The following MAP9 variants were observed in gnomAD, a reference collection of about 807,000 sequenced individuals.
MAP9 encodes microtubule associated protein 9.
In MAP9, 80 loss-of-function variants were observed where a neutral mutation model predicts 75.2. That is an observed-to-expected ratio of 1.06 (90% CI 0.89 to 1.28). The LOEUF is 1.28. Ranked by LOEUF, MAP9 falls within the 50% of genes most tolerant of loss-of-function variation. The probability of loss-of-function intolerance (pLI) is 0.00; values close to 1 mark genes in which losing one functional copy is unlikely to be tolerated. For synonymous variants in MAP9, 235 were observed against 237.3 expected, an observed-to-expected ratio of 0.99 and a Z score of 0.09; for missense variants, 753 against 719.9, an observed-to-expected ratio of 1.05 and a Z score of -0.53.
chr4:155,370,678 A>G (rs1469102143), intron 4 of MAP9, among the ~76,000 whole-genome samples: 1 of 152,104 alleles, frequency 6.6e-6, no homozygotes, highest in African/African-American at 2.4e-5. Flanking sequence ...AAGAACAAAC[A>G]TGAGATCTAC....
intron 1 of MAP9, 21 bp from the exon 2 acceptor site, chr4:155,375,935 C>T (rs976706463): frequency 2.3e-6 from 2 of 866,838 alleles, no homozygotes; most frequent in African/African-American, 3.4e-5. Context: ...CAAAACAAAT[C>T]AGACTTCGCA....
At position 155,343,103 on chromosome 4, in the gene MAP9, T is replaced by C. The variant is rs1031898324; in HGVS notation, c.*4680A>G. The C allele has an allele frequency of 2.6e-5, 4 of 151,934 alleles. No homozygotes were observed. Among genetic ancestry groups the C allele is most frequent in the Admixed American group, 2.0e-4 (3 of 15,246 alleles). The allele number at this position is 151,934 out of a possible 1,614,324, so 9.4% of individuals were successfully genotyped here. A position where few individuals can be genotyped will look rare whatever the true frequency, so the allele number is the denominator to read the frequency against. ...TATCACTGAGTGAAAAAAATCTGGC[T>C]ACCAAATATGTAGTCTGACTCATTC... On this transcript the variant is annotated 3_prime_UTR_variant, in exon 14 of 14. Transcript: ENST00000311277.
Position 155,360,245 on chromosome 4 carries a change from C to T in MAP9, c.973G>A (p.Asp325Asn), listed in dbSNP as rs373132442. The change falls in exon 7 of 14, where the codon GAT (aspartate) becomes AAT (asparagine). Residue 325 changes from aspartate to asparagine, a missense_variant. Coordinates refer to ENST00000311277, the MANE Select transcript of MAP9 (RefSeq NM_001039580.2). ...AGTAGTGGATCAACTGTTCTGTCAT[C>T]ATCCATAATCAGTTCCGCTTTTGCC... ...EKAKAELIMD[D>N]DRTVDPLLSK... 32 of 1,612,946 alleles carry T rather than the reference C, an allele frequency of 2.0e-5. No individual in the cohort carries two copies. Among genetic ancestry groups the T allele is most frequent in the Non-Finnish European group, 2.6e-5 (31 of 1,179,256 alleles).
intron 13 of MAP9, among the ~76,000 whole-genome samples, chr4:155,351,968 G>A (rs906899277): frequency 1.3e-5 from 2 of 151,902 alleles, no homozygotes; most frequent in East Asian, 1.9e-4. Flanking sequence ...TGGACAAAAT[G>A]CATATTTATA....
chr4:155,359,845 CCAGA>C (rs1257903297), intron 7 of MAP9, among the ~76,000 whole-genome samples: 3 of 151,886 alleles, frequency 2.0e-5, no homozygotes, highest in African/African-American at 7.2e-5. Context: ...AGAAATTATT[CCAGA>C]CAGTTATATT....
chr4:155,344,759 C>A lies in MAP9; in HGVS notation c.*3024G>T, dbSNP rs969199842. 2.6e-5 allele frequency: 4 copies of A among 151,858 alleles called. No homozygotes were observed. The highest frequency in any genetic ancestry group is 9.7e-5 in the African/African-American group (4 of 41,398). The allele number at this position is 151,858 out of a possible 1,614,324, so 9.4% of individuals were successfully genotyped here. On this transcript the variant is annotated 3_prime_UTR_variant, in exon 14 of 14. Transcript: ENST00000311277. ...GCATCTTTTAAGTTAAATAGCATTA[C>A]CACTTTCTTCATTATTATGAAATTT... is the stretch of plus-strand genomic sequence containing the variant.
intron 5 of MAP9, 188 bp downstream of exon 5, chr4:155,368,398 A>G (rs952181903): frequency 1.6e-6 from 1 of 623,604 alleles, no homozygotes; most frequent in South Asian, 2.0e-5. Context: ...ACGTCTTACA[A>G]TTGATGCAGT....
chr4:155,352,458 G>A (rs1731554607), intron 13 of MAP9, 138 bp downstream of exon 13: 3 of 790,830 alleles, frequency 3.8e-6, no homozygotes, highest in Non-Finnish European at 6.1e-6. Context: ...ATATGCAGGA[G>A]GAGAGCTTGA....
intron 5 of MAP9, among the ~76,000 whole-genome samples, chr4:155,363,875 G>C (rs1441900120): frequency 6.6e-6 from 1 of 152,050 alleles, no homozygotes; most frequent in East Asian, 1.9e-4. Context: ...GTGAGATATA[G>C]CACAAATTTC....
At position 155,346,027 on chromosome 4, in the gene MAP9, GT is replaced by G. The variant is rs1731274448; in HGVS notation, c.*1755del. On this transcript the variant is annotated 3_prime_UTR_variant, in exon 14 of 14. Transcript: ENST00000311277. ...CAGATCAATTTCATAAAGTATTACA[GT>G]TCTGGCCATATAGAAAGGGTTCTAG... The G allele has an allele frequency of 6.6e-6, 1 of 152,126 alleles. No individual in the cohort carries two copies. Among genetic ancestry groups the G allele is most frequent in the Non-Finnish European group, 1.5e-5 (1 of 68,020 alleles). The allele number at this position is 152,126 out of a possible 1,614,324, so 9.4% of individuals were successfully genotyped here.
chr4:155,347,900 AT>A lies in MAP9; in HGVS notation c.1826del (p.Asn609IlefsTer67). The A allele has an allele frequency of 6.6e-7, 1 of 1,504,642 alleles. No homozygotes were observed. The highest frequency in any genetic ancestry group is 9.1e-7 in the Non-Finnish European group (1 of 1,096,966). The allele number at this position is 1,504,642 out of a possible 1,614,324, so 93.2% of individuals were successfully genotyped here. On this transcript the variant is annotated frameshift_variant, in exon 14 of 14. Coordinates refer to ENST00000311277, the MANE Select transcript of MAP9 (RefSeq NM_001039580.2). LOFTEE classifies it high-confidence loss of function. ...AINEYEKWLE[N>X]KEKQERIERK... is the part of the protein sequence containing the mutation. Reference sequence around the variant, plus strand: ...GTTCAATTCTTTCTTGTTTTTCCTTATTTTCCTAAAGAGAAAATAGAACACT... The same window carrying A: ...GTTCAATTCTTTCTTGTTTTTCCTTATTTCCTAAAGAGAAAATAGAACACT...
chr4:155,355,041 A>G (rs1430255889), intron 10 of MAP9, 30 bp downstream of exon 10: 4 of 1,075,400 alleles, frequency 3.7e-6, no homozygotes, highest in Non-Finnish European at 5.3e-6. Context: ...TAAAAATCCA[A>G]AACATTTTTA....
chr4:155,362,884 G>T (rs1732153396), intron 5 of MAP9: 1 of 152,170 alleles, frequency 6.6e-6, no homozygotes, highest in Non-Finnish European at 1.5e-5. Flanking sequence ...GAAAATGGAA[G>T]AAGTGCTGAG....
rs1037805486 is a variant in MAP9 at position 155,346,316 on chromosome 4, C to T, written c.*1467G>A. ...TTATAGATTTAATGACCTCCACCAT[C>T]TCTAAGAACAAGCAGCTATTTCTGT... On this transcript the variant is annotated 3_prime_UTR_variant, in exon 14 of 14. Coordinates refer to ENST00000311277, the MANE Select transcript of MAP9 (RefSeq NM_001039580.2). 3.3e-5 allele frequency: 5 copies of T among 152,168 alleles called. No individual in the cohort carries two copies. The South Asian group carries it at 8.3e-4, about 25-fold the overall frequency. The allele number at this position is 152,168 out of a possible 1,614,324, so 9.4% of individuals were successfully genotyped here.
intron 5 of MAP9, chr4:155,368,336 T>C (rs1732421005): frequency 8.4e-6 from 5 of 595,430 alleles, no homozygotes; most frequent in Admixed American, 3.0e-5. Context: ...TGGTGTGTTA[T>C]AGTTTAATTG....
At chr4:155,358,415 A>G (rs2111223790) in intron 7 of MAP9, among the ~76,000 whole-genome samples, 1 of 152,336 alleles carries the variant, frequency 6.6e-6, no homozygotes, top group African/African-American at 2.4e-5. Flanking sequence ...TATACCTGGA[A>G]CATGGCTTAA....
chr4:155,350,233 A>G (rs1473882639), intron 13 of MAP9: 1 of 435,556 alleles, frequency 2.3e-6, no homozygotes, highest in African/African-American at 3.1e-5. Flanking sequence ...CAATTTTTCT[A>G]TTCTATCTGC....
At chr4:155,374,169 T>C (rs1258424908) in intron 3 of MAP9, among the ~76,000 whole-genome samples, 1 of 151,996 alleles carries the variant, frequency 6.6e-6, no homozygotes, top group Non-Finnish European at 1.5e-5. Flanking sequence ...TGAAACCCCA[T>C]CTCTACTAAA....
Position 155,368,658 on chromosome 4 carries a change from A to G in MAP9, c.636T>C (p.Ser212=), listed in dbSNP as rs1200049392. 6 of 1,614,092 alleles carry G rather than the reference A, an allele frequency of 3.7e-6. No homozygotes were observed. The highest frequency in any genetic ancestry group is 4.2e-6 in the Non-Finnish European group (5 of 1,180,042). The change falls in exon 5 of 14, where the codon TCT becomes TCC. Residue 212 remains serine, a synonymous_variant. Transcript: ENST00000311277. ...SEELELHSAP[S]SLPTPNGIQL... Reference sequence around the variant, plus strand: ...GTATGCCATTCGGCGTTGGAAGGGAAGAAGGTGCAGAATGTAACTCCAATT... The same window carrying G: ...GTATGCCATTCGGCGTTGGAAGGGAGGAAGGTGCAGAATGTAACTCCAATT...
Sources: gnomAD v4.1 joint callset for allele counts (sites outside exome capture counted in the v4.1 genomes callset) on GRCh38, gnomAD v4.1.1 for gene constraint, MANE v1.5 for transcripts, NCBI Gene and HGNC (gene_info 2026-07-23, HGNC 2026-07-21) for gene names.